Variants in ROBO1 observed in about 807,000 individuals in gnomAD.
ROBO1 encodes the protein roundabout homolog 1.
A neutral mutation model predicts 195.9 loss-of-function variants in ROBO1; 149 were observed. The observed-to-expected ratio is 0.76, with a 90% CI of 0.67 to 0.87. The LOEUF is 0.87. Among genes scored for constraint, ROBO1 ranks in the 40% least tolerant of loss-of-function variants. ROBO1 has a pLI of 0.00. For synonymous variants in ROBO1, 816 were observed against 733.2 expected (o/e 1.11, Z -1.82); for missense variants, 1,933 against 2,068.3 (o/e 0.93, Z 1.27).
chr3:79,720,936 G>A (rs1322025833), intron 1 of ROBO1, among the ~76,000 whole-genome samples: 2 of 152,014 alleles, frequency 1.3e-5, no homozygotes, highest in Non-Finnish European at 2.9e-5. Context: ...GGGACTACAG[G>A]CGCCCGCCAC....
chr3:79,098,940 A>G (rs2108505880), intron 3 of ROBO1, among the ~76,000 whole-genome samples: 1 of 151,822 alleles, frequency 6.6e-6, no homozygotes, highest in East Asian at 1.9e-4. Flanking sequence ...GAAATTTCCC[A>G]TTGATAATGG....
intron 1 of ROBO1, among the ~76,000 whole-genome samples, chr3:79,740,053 T>C (rs1296279766): frequency 6.6e-6 from 1 of 151,526 alleles, no homozygotes; most frequent in African/African-American, 2.4e-5. Flanking sequence ...TTCTGAAGTA[T>C]ATAAAATTCT....
intron 3 of ROBO1, among the ~76,000 whole-genome samples, chr3:78,947,700 A>G (rs2040525890): frequency 6.6e-6 from 1 of 152,154 alleles, no homozygotes; most frequent in East Asian, 1.9e-4. Flanking sequence ...AAATAGAGAC[A>G]ATAAAACCCT....
intron 1 of ROBO1, among the ~76,000 whole-genome samples, chr3:79,714,662 T>A (rs1316230425): frequency 1.3e-5 from 2 of 151,936 alleles, no homozygotes; most frequent in South Asian, 4.2e-4. Flanking sequence ...TGGAATACTA[T>A]GCAGCCATAA....
chr3:79,456,493 C>A (rs2039623432), intron 2 of ROBO1, among the ~76,000 whole-genome samples: 1 of 152,084 alleles, frequency 6.6e-6, no homozygotes, highest in African/African-American at 2.4e-5. Context: ...GCTTAAAGCC[C>A]ATTTCTGTAG....
intron 3 of ROBO1, among the ~76,000 whole-genome samples, chr3:79,111,582 C>T (rs1373180220): frequency 6.6e-6 from 1 of 152,078 alleles, no homozygotes; most frequent in East Asian, 1.9e-4. Context: ...ATATTCATTT[C>T]CCAACACGTC....
chr3:78,630,666 G>A (rs1383367379), intron 25 of ROBO1, among the ~76,000 whole-genome samples: 2 of 152,130 alleles, frequency 1.3e-5, no homozygotes, highest in African/African-American at 2.4e-5. Context: ...TTGCTATCAT[G>A]TGGATTATTA....
intron 1 of ROBO1, among the ~76,000 whole-genome samples, chr3:79,626,627 A>G (rs1945189103): frequency 1.3e-5 from 2 of 152,284 alleles, no homozygotes; most frequent in South Asian, 4.1e-4. Context: ...CCTATTCAAC[A>G]TAGTATTGGA....
intron 4 of ROBO1, among the ~76,000 whole-genome samples, chr3:78,867,315 C>A (rs2035242930): frequency 6.6e-6 from 1 of 152,096 alleles, no homozygotes; most frequent in Admixed American, 6.5e-5. Context: ...ATTATATCTC[C>A]TTTCATTCTC....
chr3:78,950,212 G>T (rs62257521), intron 3 of ROBO1, among the ~76,000 whole-genome samples: 4 of 152,108 alleles, frequency 2.6e-5, no homozygotes, highest in Non-Finnish European at 5.9e-5. Flanking sequence ...ACATGCACAC[G>T]TATGTTTACA....
intron 4 of ROBO1, among the ~76,000 whole-genome samples, chr3:78,817,175 C>T (rs1013412300): frequency 6.6e-6 from 1 of 151,936 alleles, no homozygotes; most frequent in African/African-American, 2.4e-5. Context: ...TCATTGTTGT[C>T]TTATTTTAAG....
At chr3:79,458,588 GA>G (rs1046595325) in intron 2 of ROBO1, among the ~76,000 whole-genome samples, 4 of 149,542 alleles carry the variant, frequency 2.7e-5, no homozygotes, top group East Asian at 2.0e-4. Flanking sequence ...GTGTTAAAAG[GA>G]AAAAAAAGGA....
In ROBO1 at chr3:79,548,934, G is replaced by C. The variant is rs915225238; in HGVS notation, c.88+40890C>G. Among the ~76,000 whole-genome samples the C allele has an allele frequency of 3.3e-5, 5 of 152,114 alleles. No homozygotes were observed. The South Asian group carries it at 8.3e-4, about 25-fold the overall frequency. Reference sequence around the variant, plus strand: ...AGAAAAGGCTTCCAAAAGGGCTCTTGTTACATGCTCTTCTCCTCAGTAGAG... The same window carrying C: ...AGAAAAGGCTTCCAAAAGGGCTCTTCTTACATGCTCTTCTCCTCAGTAGAG... On this transcript the variant is annotated intron_variant, in intron 2 of 30. Coordinates refer to ENST00000464233, the MANE Select transcript of ROBO1 (RefSeq NM_002941.4).
intron 4 of ROBO1, among the ~76,000 whole-genome samples, chr3:78,881,197 T>C (rs1158862042): frequency 2.0e-5 from 3 of 152,278 alleles, no homozygotes; most frequent in African/African-American, 7.2e-5. Flanking sequence ...GGAAGAAATA[T>C]TGATGAGAGG....
At chr3:79,758,442 C>A (rs1182992924) in intron 1 of ROBO1, among the ~76,000 whole-genome samples, 1 of 152,126 alleles carries the variant, frequency 6.6e-6, no homozygotes, top group Non-Finnish European at 1.5e-5. Flanking sequence ...TTGTTGTCAT[C>A]TTTGTCCTAG....
At chr3:78,665,008 T>C (rs1707650677) in intron 14 of ROBO1, among the ~76,000 whole-genome samples, 1 of 152,148 alleles carries the variant, frequency 6.6e-6, no homozygotes, top group African/African-American at 2.4e-5. Flanking sequence ...GGCAGTCTCT[T>C]AAAATGTTAA....
At chr3:79,379,360 C>G (rs1262861921) in intron 2 of ROBO1, among the ~76,000 whole-genome samples, 2 of 152,116 alleles carry the variant, frequency 1.3e-5, no homozygotes, top group African/African-American at 4.8e-5. Context: ...AGGATGTTAG[C>G]AAACTTAACA....
intron 2 of ROBO1, among the ~76,000 whole-genome samples, chr3:79,276,606 A>G (rs2031056000): frequency 6.6e-6 from 1 of 152,042 alleles, no homozygotes; most frequent in Admixed American, 6.6e-5. Flanking sequence ...CAACCAAAGC[A>G]AAAGTTGACA....
intron 2 of ROBO1, among the ~76,000 whole-genome samples, chr3:79,283,494 T>C (rs2031663009): frequency 6.6e-6 from 1 of 152,182 alleles, no homozygotes; most frequent in Non-Finnish European, 1.5e-5. Context: ...TACAGATTGG[T>C]ATATTAAATA....
Sources: allele counts gnomAD v4.1 joint callset (sites outside exome capture counted in the v4.1 genomes callset), GRCh38; gene constraint gnomAD v4.1.1; transcripts MANE v1.5; gene names NCBI Gene and HGNC (gene_info 2026-07-23, HGNC 2026-07-21).